FRMPD4: variants seen among roughly 807,000 people sequenced by gnomAD.
FRMPD4 encodes the protein FERM and PDZ domain-containing protein 4.
A neutral mutation model predicts 94.1 loss-of-function variants in FRMPD4; 22 were observed. The ratio of observed to expected loss-of-function variants is 0.23; its 90% confidence interval spans 0.17 to 0.33. FRMPD4 has a LOEUF of 0.33. Among genes scored for constraint, FRMPD4 ranks in the 10% least tolerant of loss-of-function variants. The pLI is 1.00. For synonymous variants in FRMPD4, 631 were observed against 548.6 expected (o/e 1.15, Z -2.10); for missense variants, 1,111 against 1,339.9 (o/e 0.83, Z 2.67).
intron 3 of FRMPD4, among the ~76,000 whole-genome samples, chrX:12,075,357 G>A (rs2055004988): frequency 9.5e-6 from 1 of 105,627 alleles, no homozygotes; most frequent in Non-Finnish European, 1.9e-5. Context: ...TGTGTGGGGG[G>A]TGGTATATAG....
intron 14 of FRMPD4, among the ~76,000 whole-genome samples, chrX:12,714,617 A>G (rs1047100477): frequency 2.7e-5 from 3 of 111,402 alleles, no homozygotes; most frequent in Admixed American, 1.9e-4. Flanking sequence ...TAGTTGCTCA[A>G]TTGAATGGTT....
At chrX:12,317,585 C>CA (rs376884335) in intron 1 of FRMPD4, among the ~76,000 whole-genome samples, 746 of 42,352 alleles carry the variant, frequency 0.018, 8 homozygotes, top group Middle Eastern at 0.045. Context: ...AACTAAATAG[C>CA]AAAAAAAAAA....
chrX:12,136,890 AAC>A (rs376427153), upstream of FRMPD4, among the ~76,000 whole-genome samples: 1,928 of 97,128 alleles, frequency 0.02, 23 homozygotes, highest in Middle Eastern at 0.062. Flanking sequence ...TCTACGTTAA[AAC>A]ACACACACAC....
At chrX:12,168,656 C>T (rs1353396753) in intron 1 of FRMPD4, among the ~76,000 whole-genome samples, 2 of 79,580 alleles carry the variant, frequency 2.5e-5, no homozygotes, top group Admixed American at 1.7e-4. Flanking sequence ...GACAGAGTCT[C>T]ACTCTGTCAC....
At chrX:12,405,042 A>T (rs1221816034) in intron 1 of FRMPD4, among the ~76,000 whole-genome samples, 1 of 111,785 alleles carries the variant, frequency 8.9e-6, no homozygotes, top group African/African-American at 3.3e-5. Context: ...ATTTAAAAAA[A>T]ATACTGATGC....
chrX:12,109,196 A>G (rs1321825197), intron 3 of FRMPD4, among the ~76,000 whole-genome samples: 1 of 112,175 alleles, frequency 8.9e-6, no homozygotes, highest in Non-Finnish European at 1.9e-5. Context: ...CAGCAAATGT[A>G]AAAGAACAGA....
At chrX:12,468,435 G>A (rs934574565) in intron 1 of FRMPD4, among the ~76,000 whole-genome samples, 1 of 111,651 alleles carries the variant, frequency 9.0e-6, no homozygotes, top group African/African-American at 3.3e-5. Context: ...ATGTGAGGAG[G>A]TGTCATATCC....
At chrX:12,294,371 G>A (rs1170588045) in intron 1 of FRMPD4, among the ~76,000 whole-genome samples, 1 of 110,776 alleles carries the variant, frequency 9.0e-6, no homozygotes, top group Admixed American at 9.6e-5. Context: ...TAAACTATGA[G>A]ATCTAAGTAA....
Position 12,710,520 on chromosome X carries a change from C to T in FRMPD4, c.1592C>T (p.Thr531Ile). The part of the protein sequence containing the change: ...SIFNMANKKN[T>I]ATQETGPENK... ...TTTAACATGGCCAACAAGAAAAACA[C>T]AGCGACCCAGGAAACAGGTATTCTC... The change falls in exon 14 of 17, where the codon ACA becomes ATA. Residue 531 changes from threonine to isoleucine, a missense_variant. Transcript: ENST00000675598. The T allele has an allele frequency of 8.3e-7, 1 of 1,207,074 alleles. No homozygotes were observed. Among genetic ancestry groups the T allele is most frequent in the African/African-American group, 1.7e-5 (1 of 57,548 alleles).
chrX:12,620,054 T>G (rs1351118044), intron 4 of FRMPD4, among the ~76,000 whole-genome samples: 1 of 112,430 alleles, frequency 8.9e-6, no homozygotes, highest in Non-Finnish European at 1.9e-5. Flanking sequence ...CAGGCTTCTC[T>G]GTGCCCTAGA....
chrX:12,551,754 A>G (rs1253186246), intron 2 of FRMPD4, among the ~76,000 whole-genome samples: 1 of 110,454 alleles, frequency 9.1e-6, no homozygotes, highest in Admixed American at 9.7e-5. Flanking sequence ...CTGAGGGGAG[A>G]ATATTTCATT....
intron 3 of FRMPD4, among the ~76,000 whole-genome samples, chrX:12,043,202 G>A (rs2054766428): frequency 9.0e-6 from 1 of 111,595 alleles, no homozygotes; most frequent in Admixed American, 9.5e-5. Flanking sequence ...TCTTCACTCT[G>A]TCATACATTG....
intron 1 of FRMPD4, among the ~76,000 whole-genome samples, chrX:12,281,223 G>A (rs1332153770): frequency 9.0e-6 from 1 of 111,301 alleles, no homozygotes; most frequent in Non-Finnish European, 1.9e-5. Context: ...CATAAAATTA[G>A]GGTGAAATAC....
intron 1 of FRMPD4, among the ~76,000 whole-genome samples, chrX:12,264,989 G>A (rs918886436): frequency 1.8e-5 from 2 of 112,134 alleles, no homozygotes; most frequent in Non-Finnish European, 3.8e-5. Flanking sequence ...GCCTAATGCT[G>A]TACATTACCA....
chrX:12,092,371 T>C (rs1716329260), intron 3 of FRMPD4, among the ~76,000 whole-genome samples: 1 of 112,326 alleles, frequency 8.9e-6, no homozygotes, highest in Admixed American at 9.4e-5. Context: ...TTTCCTCGTT[T>C]TCCACATCAG....
chrX:12,208,605 T>G (rs1339252584), intron 1 of FRMPD4, among the ~76,000 whole-genome samples: 3 of 112,172 alleles, frequency 2.7e-5, no homozygotes, highest in Non-Finnish European at 5.6e-5. Flanking sequence ...TAATTACTGT[T>G]AAAAGGTAAA....
chrX:12,477,798 T>C (rs2057622941), intron 1 of FRMPD4, among the ~76,000 whole-genome samples: 1 of 113,021 alleles, frequency 8.8e-6, no homozygotes, highest in Non-Finnish European at 1.9e-5. Context: ...TGATGAGCTA[T>C]CTACAAAATA....
At chrX:11,849,533 G>C (rs947491557) in intron 1 of FRMPD4, among the ~76,000 whole-genome samples, 3 of 111,685 alleles carry the variant, frequency 2.7e-5, no homozygotes, top group African/African-American at 9.8e-5. Context: ...CAAAGCTACA[G>C]TAATCAAAAC....
chrX:11,870,456 G>A lies in FRMPD4; in HGVS notation c.-30+5240G>A, dbSNP rs139075540. ...CAGGAACCTTATGAACCTAAGGGCA[G>A]TGAAAAGGGCAGTGACATGGCGCTA... On this transcript the variant is annotated intron_variant, in intron 2 of 18. Transcript: ENST00000640291. Among the ~76,000 whole-genome samples the A allele has an allele frequency of 1.3e-4, 15 of 111,898 alleles. No homozygotes were observed. In the East Asian group the frequency reaches 3.1e-3, roughly 23 times the overall value.
Sources: gnomAD v4.1 joint callset for allele counts (sites outside exome capture counted in the v4.1 genomes callset) on GRCh38, gnomAD v4.1.1 for gene constraint, MANE v1.5 for transcripts, NCBI Gene and HGNC (gene_info 2026-07-23, HGNC 2026-07-21) for gene names.